The following NUDCD1 variants were observed in gnomAD, a reference collection of about 807,000 sequenced individuals.
NUDCD1 encodes the protein nudC domain-containing protein 1.
A neutral mutation model predicts 67.8 loss-of-function variants in NUDCD1; 60 were observed. That is an observed-to-expected ratio of 0.88 (90% CI 0.72 to 1.10). The LOEUF (loss-of-function observed/expected upper bound fraction) is 1.10. Ranked by LOEUF, NUDCD1 falls within the 50% of genes least tolerant of loss-of-function variation. The pLI is 0.00. For missense variants in NUDCD1, 643 were observed against 695.0 expected, an observed-to-expected ratio of 0.93 and a Z score of 0.84; for synonymous variants, 244 against 230.8, an observed-to-expected ratio of 1.06 and a Z score of -0.52.
chr8:109,273,439 A>C (rs148811776), intron 7 of NUDCD1, among the ~76,000 whole-genome samples: 47 of 152,264 alleles, frequency 3.1e-4, no homozygotes, highest in African/African-American at 1.1e-3. Flanking sequence ...AAGGATATGT[A>C]CAACATTAAG....
At chr8:109,250,418 G>T (rs1366120391) in intron 8 of NUDCD1, among the ~76,000 whole-genome samples, 2 of 152,148 alleles carry the variant, frequency 1.3e-5, no homozygotes, top group African/African-American at 4.8e-5. Flanking sequence ...CCTAAAAGGT[G>T]TTTGGCTTCA....
chr8:109,306,604 C>A (rs910883285), intron 2 of NUDCD1, among the ~76,000 whole-genome samples: 5 of 151,406 alleles, frequency 3.3e-5, no homozygotes, highest in African/African-American at 9.7e-5. Context: ...TCCAAAAACT[C>A]GCCAACCAAG....
chr8:109,281,671 C>T (rs1814442173), intron 5 of NUDCD1, among the ~76,000 whole-genome samples: 1 of 152,178 alleles, frequency 6.6e-6, no homozygotes. Flanking sequence ...GGCCATACTA[C>T]CCCAACCCTT....
At chr8:109,257,660 G>C (rs973534251) in intron 8 of NUDCD1, among the ~76,000 whole-genome samples, 1 of 152,000 alleles carries the variant, frequency 6.6e-6, no homozygotes, top group Non-Finnish European at 1.5e-5. Flanking sequence ...CATCTGAACG[G>C]AAACTCCCTG....
At chr8:109,276,978 A>T (rs1417031301) in intron 6 of NUDCD1, among the ~76,000 whole-genome samples, 1 of 152,090 alleles carries the variant, frequency 6.6e-6, no homozygotes, top group Non-Finnish European at 1.5e-5. Context: ...ACTGAGTTAC[A>T]TTTTCTAAGG....
chr8:109,292,672 A>G (rs1368701443), intron 4 of NUDCD1, among the ~76,000 whole-genome samples: 1 of 152,116 alleles, frequency 6.6e-6, no homozygotes, highest in African/African-American at 2.4e-5. Flanking sequence ...TAAAAAGAAA[A>G]CACTCAATGA....
chr8:109,329,962 T>C lies in NUDCD1; in HGVS notation c.118+3931A>G, dbSNP rs1274662429. On this transcript the variant is annotated intron_variant, in intron 1 of 9. Coordinates refer to ENST00000239690, the MANE Select transcript of NUDCD1 (RefSeq NM_032869.4). ...TTACTATGGCAACGCATAATACAGA[T>C]TCTATAGTGTAGATTCTGACTAGTC... 5 of 1,374,530 alleles carry C rather than the reference T, an allele frequency of 3.6e-6. No homozygotes were observed. The East Asian group carries it at 1.4e-4, about 38-fold the overall frequency. 85.1% of individuals were successfully genotyped at this position (1,374,530 alleles called of 1,614,324 possible).
At chr8:109,329,913 A>G in intron 1 of NUDCD1, 2 of 1,537,110 alleles carry the variant, frequency 1.3e-6, no homozygotes, top group Non-Finnish European at 1.8e-6. Flanking sequence ...GCTACGAAGT[A>G]TGATAAAGTC....
chr8:109,278,638 T>C (rs949832565), intron 6 of NUDCD1, among the ~76,000 whole-genome samples: 2 of 152,342 alleles, frequency 1.3e-5, no homozygotes, highest in South Asian at 2.1e-4. Context: ...TAGAACTCCA[T>C]ATGTGGAATC....
chr8:109,311,557 G>GATATATATATATATATATATATA (rs1554617129), intron 2 of NUDCD1, among the ~76,000 whole-genome samples: 1 of 62,690 alleles, frequency 1.6e-5, no homozygotes, highest in African/African-American at 1.2e-4. Context: ...AGAAACTGTG[G>GATATATATATATATATATATATA]TGTATATATA....
chr8:109,287,289 T>C (rs182316816), intron 5 of NUDCD1, among the ~76,000 whole-genome samples: 207 of 152,246 alleles, frequency 1.4e-3, no homozygotes, highest in African/African-American at 4.8e-3. Context: ...ATAGTGGGTA[T>C]ATATATAAAA....
intron 8 of NUDCD1, among the ~76,000 whole-genome samples, chr8:109,263,096 T>C (rs1813911054): frequency 7.0e-6 from 1 of 143,394 alleles, no homozygotes; most frequent in Admixed American, 7.3e-5. Context: ...ACCCTCTCTT[T>C]GTTCTCTAGA....
chr8:109,278,213 T>C (rs1339919800), intron 6 of NUDCD1, among the ~76,000 whole-genome samples: 5 of 152,224 alleles, frequency 3.3e-5, no homozygotes, highest in African/African-American at 1.2e-4. Flanking sequence ...CTAACTCTAT[T>C]CATTAATCCA....
intron 2 of NUDCD1, chr8:109,315,812 C>T (rs1441946804): frequency 6.6e-6 from 1 of 151,900 alleles, no homozygotes; most frequent in Non-Finnish European, 1.5e-5. Flanking sequence ...TTGCCTTCGT[C>T]TCTACACAGG....
intron 6 of NUDCD1, 33 bp from the exon 7 acceptor site, chr8:109,275,529 T>A (rs754599562): frequency 2.6e-6 from 4 of 1,563,200 alleles, no homozygotes; most frequent in African/African-American, 2.7e-5. Context: ...TAATGTTACA[T>A]TAAGCAATTA....
chr8:109,280,964 AT>A lies in NUDCD1; in HGVS notation c.1028+3del. Reference sequence around the variant, plus strand: ...AATATTAAAGTAAAATTAAAAAAAAATACCTATTACTCTCTTTAATTATCCA... The same window carrying A: ...AATATTAAAGTAAAATTAAAAAAAAAACCTATTACTCTCTTTAATTATCCA... On this transcript the variant is annotated splice_donor_region_variant and intron_variant, in intron 6 of 9. Transcript: ENST00000239690. The A allele has an allele frequency of 1.5e-6, 2 of 1,333,770 alleles. No individual in the cohort carries two copies. The highest frequency in any genetic ancestry group is 2.1e-6 in the Non-Finnish European group (2 of 971,494). The allele number at this position is 1,333,770 out of a possible 1,614,324, so 82.6% of individuals were successfully genotyped here.
chr8:109,246,342 C>T (rs993184843), intron 8 of NUDCD1, among the ~76,000 whole-genome samples: 3 of 152,140 alleles, frequency 2.0e-5, no homozygotes, highest in African/African-American at 7.2e-5. Flanking sequence ...CTTAACAACT[C>T]GCAAGGCTAT....
At chr8:109,270,656 TA>T (rs1315194905) in intron 8 of NUDCD1, among the ~76,000 whole-genome samples, 1 of 151,894 alleles carries the variant, frequency 6.6e-6, no homozygotes, top group Non-Finnish European at 1.5e-5. Context: ...CATCATAGCA[TA>T]ATCCAACCAT....
intron 8 of NUDCD1, among the ~76,000 whole-genome samples, chr8:109,262,262 G>A (rs1035404791): frequency 6.6e-6 from 1 of 152,170 alleles, no homozygotes; most frequent in Non-Finnish European, 1.5e-5. Flanking sequence ...TGCCCCCAGT[G>A]GACAGACAAA....
Sources: allele counts gnomAD v4.1 joint callset (sites outside exome capture counted in the v4.1 genomes callset), GRCh38; gene constraint gnomAD v4.1.1; transcripts MANE v1.5; gene names NCBI Gene and HGNC (gene_info 2026-07-23, HGNC 2026-07-21).